The following PSMG2 variants were observed in gnomAD, a reference collection of about 807,000 sequenced individuals.
PSMG2 encodes the protein proteasome assembly chaperone 2.
In PSMG2, 21 loss-of-function variants were observed where a neutral mutation model predicts 31.5. The ratio of observed to expected loss-of-function variants is 0.67; its 90% CI spans 0.47 to 0.96. The LOEUF (loss-of-function observed/expected upper bound fraction) is 0.96. Ranked by LOEUF, PSMG2 falls within the 40% of genes least tolerant of loss-of-function variation. The probability of loss-of-function intolerance (pLI) is 0.00; values close to 1 mark genes in which losing one functional copy is unlikely to be tolerated. For synonymous variants in PSMG2, 120 were observed against 110.4 expected (o/e 1.09, Z -0.54); for missense variants, 318 against 321.2 (o/e 0.99, Z 0.08).
rs557683960 is a variant in PSMG2 at position 12,725,606 on chromosome 18, A to G, written c.*75A>G. 1.0e-4 allele frequency: 118 copies of G among 1,133,114 alleles called. 1 individual carries two copies. The highest frequency in any genetic ancestry group is 1.3e-6 in the Non-Finnish European group (1 of 797,372). The allele number at this position is 1,133,114 out of a possible 1,614,324, so 70.2% of individuals were successfully genotyped here. ...GCTGTTAAACATTCTATACAAAAAAATTGTATGATCTGGTATTAGGAAATT... is the reference window on the plus strand; with the variant it reads ...GCTGTTAAACATTCTATACAAAAAAGTTGTATGATCTGGTATTAGGAAATT... On this transcript the variant is annotated 3_prime_UTR_variant, in exon 7 of 7. Coordinates refer to ENST00000317615, the MANE Select transcript of PSMG2 (RefSeq NM_020232.5).
chr18:12,687,806 G>A (rs1316709509), intron 1 of PSMG2, among the ~76,000 whole-genome samples: 1 of 152,020 alleles, frequency 6.6e-6, no homozygotes, highest in African/African-American at 2.4e-5. Flanking sequence ...TTGGGGGGAT[G>A]TAGAGAACTA....
chr18:12,699,185 C>T (rs759808698), upstream of PSMG2: 45 of 1,612,616 alleles, frequency 2.8e-5, no homozygotes, highest in Non-Finnish European at 3.6e-5. Context: ...AAGATACCTC[C>T]GTGTTGGATC....
intron 3 of PSMG2, among the ~76,000 whole-genome samples, chr18:12,718,012 C>CTTTTTTTTTTTTT (rs71174131): frequency 2.9e-5 from 4 of 136,464 alleles, no homozygotes; most frequent in Non-Finnish European, 3.2e-5. Flanking sequence ...TTTCTTTTTT[C>CTTTTTTTTTTTTT]TTTTTTTTTT....
At chr18:12,701,533 C>T (rs1466519834), upstream of PSMG2, among the ~76,000 whole-genome samples, 2 of 152,018 alleles carry the variant, frequency 1.3e-5, no homozygotes, top group Non-Finnish European at 2.9e-5. Flanking sequence ...GTTTCGTCAC[C>T]GATAAGAATG....
chr18:12,662,725 C>T (rs939155593), intron 1 of PSMG2, among the ~76,000 whole-genome samples: 3 of 152,042 alleles, frequency 2.0e-5, no homozygotes, highest in Admixed American at 6.6e-5. Context: ...TGCAGTGAGC[C>T]GAGATCATGC....
chr18:12,693,882 G>A (rs1413255145), intron 1 of PSMG2, among the ~76,000 whole-genome samples: 1 of 152,176 alleles, frequency 6.6e-6, no homozygotes, highest in Admixed American at 6.6e-5. Context: ...ACCCAGGCTA[G>A]TGTGCAGTGG....
chr18:12,706,453 C>A, intron 1 of PSMG2, 97 bp from the exon 2 acceptor site: 1 of 1,327,596 alleles, frequency 7.5e-7, no homozygotes, highest in Non-Finnish European at 1.1e-6. Context: ...CGCCACTGTA[C>A]TCCAGCCTGG....
intron 2 of PSMG2, among the ~76,000 whole-genome samples, chr18:12,706,963 T>A (rs1192712625): frequency 6.6e-6 from 1 of 152,088 alleles, no homozygotes; most frequent in African/African-American, 2.4e-5. Context: ...TTTTTTTTTT[T>A]TATTATTTTT....
At chr18:12,682,811 A>G (rs993896353) in intron 1 of PSMG2, among the ~76,000 whole-genome samples, 2 of 151,308 alleles carry the variant, frequency 1.3e-5, no homozygotes, top group Non-Finnish European at 2.9e-5. Context: ...TAGTAGAGAG[A>G]GAGTTTCATC....
At chr18:12,666,764 T>G (rs1315264687) in intron 1 of PSMG2, among the ~76,000 whole-genome samples, 11 of 152,086 alleles carry the variant, frequency 7.2e-5, no homozygotes. Flanking sequence ...AAAAAAAACT[T>G]TTGAATTGAT....
intron 3 of PSMG2, among the ~76,000 whole-genome samples, chr18:12,717,128 T>C (rs1203708236): frequency 1.3e-5 from 2 of 151,506 alleles, no homozygotes; most frequent in Non-Finnish European, 2.9e-5. Context: ...TTTTTTTTTT[T>C]TGTAGTAACA....
intron 3 of PSMG2, among the ~76,000 whole-genome samples, chr18:12,714,129 A>G (rs1417841766): frequency 6.6e-6 from 1 of 152,210 alleles, no homozygotes; most frequent in African/African-American, 2.4e-5. Flanking sequence ...GTGGCCTATG[A>G]GGCTGTATAT....
upstream of PSMG2, chr18:12,699,003 G>A (rs774411430): frequency 2.5e-6 from 4 of 1,612,862 alleles, no homozygotes; most frequent in South Asian, 1.1e-5. Context: ...TGTACTTCAA[G>A]TAAAAAGCCA....
intron 1 of PSMG2, among the ~76,000 whole-genome samples, chr18:12,666,751 A>G (rs113922676): frequency 6.6e-6 from 1 of 151,592 alleles, no homozygotes; most frequent in East Asian, 1.9e-4. Flanking sequence ...ACCCGGCCAA[A>G]AAAAAAAAAA....
At chr18:12,674,614 G>T (rs1181652567) in intron 1 of PSMG2, 1 of 1,614,000 alleles carries the variant, frequency 6.2e-7, no homozygotes, top group Non-Finnish European at 8.5e-7. Context: ...GTGACCATCA[G>T]GTACAGCCCT....
At chr18:12,716,948 C>CTTTTTTT (rs56726339) in intron 3 of PSMG2, among the ~76,000 whole-genome samples, 3 of 116,782 alleles carry the variant, frequency 2.6e-5, no homozygotes, top group East Asian at 5.0e-4. Context: ...TTTTCTTTTA[C>CTTTTTTT]TTTTTTTTTT....
upstream of PSMG2, among the ~76,000 whole-genome samples, chr18:12,701,755 C>G (rs913348935): frequency 7.9e-5 from 12 of 152,332 alleles, no homozygotes; most frequent in South Asian, 8.3e-4. Context: ...TTAGTAACTT[C>G]TCTTCCATGA....
intron 1 of PSMG2, chr18:12,695,442 G>A: frequency 4.0e-6 from 2 of 505,020 alleles, no homozygotes; most frequent in Non-Finnish European, 7.0e-6. Flanking sequence ...AGGCACTTGG[G>A]TGTTTTATCA....
chr18:12,671,553 A>G (rs898876824), intron 1 of PSMG2, among the ~76,000 whole-genome samples: 6 of 150,000 alleles, frequency 4.0e-5, no homozygotes, highest in African/African-American at 9.8e-5. Flanking sequence ...TTGAATTGCT[A>G]CTCTTTTTAA....
Sources: gnomAD v4.1 joint callset for allele counts (sites outside exome capture counted in the v4.1 genomes callset) on GRCh38, gnomAD v4.1.1 for gene constraint, MANE v1.5 for transcripts, NCBI Gene and HGNC (gene_info 2026-07-23, HGNC 2026-07-21) for gene names.